IPO8: variants seen among roughly 807,000 people sequenced by gnomAD.
The protein encoded by IPO8 is importin-8.
IPO8 carries 65 observed loss-of-function variants against 141.2 expected under a neutral mutation model. That is an observed-to-expected ratio of 0.46 (90% confidence interval 0.38 to 0.57). The LOEUF is 0.57. IPO8 is among the 20% of genes least tolerant of loss of function. The pLI, the probability that IPO8 is intolerant of heterozygous loss-of-function variation, is 0.00. For missense variants in IPO8, 980 were observed against 1,246.8 expected (o/e 0.79, Z 3.22); for synonymous variants, 411 against 420.3 (o/e 0.98, Z 0.27).
At position 30,676,530 on chromosome 12, in the gene IPO8, A is replaced by G. The variant is rs778277186; in HGVS notation, c.697T>C (p.Phe233Leu). Reference protein sequence around the residue: ...NQTMTTWMEIFRTIIDRTVPP... With the variant: ...NQTMTTWMEILRTIIDRTVPP... ...ACGGTCCTGTCGATAATAGTTCGGA[A>G]GATCTCCATCCATGTTGTCATGGTT... The change falls in exon 6 of 25, where the codon TTC (phenylalanine) becomes CTC (leucine). Residue 233 changes from phenylalanine (F) to leucine (L), a missense_variant. By Grantham distance (22) the Phe-to-Leu change is conservative (BLOSUM62 0). This residue lies in a region of IPO8 where 924 missense variants were observed against 1,153.9 expected (regional missense o/e 0.80). Transcript: ENST00000256079. 3 of 1,613,644 alleles carry G rather than the reference A, an allele frequency of 1.9e-6. No individual in the cohort carries two copies. In the South Asian group the frequency reaches 3.3e-5, roughly 18 times the overall value.
intron 17 of IPO8, among the ~76,000 whole-genome samples, chr12:30,655,217 T>C (rs1375747102): frequency 6.6e-6 from 1 of 152,212 alleles, no homozygotes; most frequent in Non-Finnish European, 1.5e-5. Flanking sequence ...TATTGTATCA[T>C]ACAGAGTAGT....
In IPO8 at chr12:30,631,876, G is replaced by A; in HGVS notation, c.3016+19C>T. 6.5e-7 allele frequency: 1 copy of A among 1,548,318 alleles called. No homozygotes were observed. The highest frequency in any genetic ancestry group is 8.9e-7 in the Non-Finnish European group (1 of 1,123,624). ...CACTCTGACACATGCACTCCACTCT[G>A]GAGGTTACTCTGGCTGACCTGCCAC... is the stretch of plus-strand genomic sequence containing the variant. On this transcript the variant is annotated intron_variant, in intron 24 of 24. Transcript: ENST00000256079.
intron 4 of IPO8, among the ~76,000 whole-genome samples, chr12:30,680,915 T>C (rs1288994482): frequency 1.3e-5 from 2 of 152,176 alleles, no homozygotes; most frequent in Non-Finnish European, 2.9e-5. Flanking sequence ...ATGTTTCTAG[T>C]ATTTAAATTA....
chr12:30,673,854 A>G (rs2053083539), intron 8 of IPO8, 136 bp downstream of exon 8: 1 of 522,924 alleles, frequency 1.9e-6, no homozygotes. Context: ...GCACTGTAAT[A>G]CATTCCCAGA....
At chr12:30,655,758 A>T (rs1342228231) in intron 17 of IPO8, among the ~76,000 whole-genome samples, 1 of 152,252 alleles carries the variant, frequency 6.6e-6, no homozygotes, top group East Asian at 1.9e-4. Flanking sequence ...TATTATTCAC[A>T]TATATTAGCA....
chr12:30,649,261 T>G (rs750750662), intron 19 of IPO8, 29 bp from the exon 20 acceptor site: 1 of 1,491,782 alleles, frequency 6.7e-7, no homozygotes, highest in East Asian at 2.3e-5. Context: ...AGCTCAGCAG[T>G]AAGTGGCACT....
At chr12:30,637,948 A>G (rs1213853745) in intron 21 of IPO8, among the ~76,000 whole-genome samples, 2 of 152,252 alleles carry the variant, frequency 1.3e-5, no homozygotes, top group Non-Finnish European at 2.9e-5. Flanking sequence ...TGAATATTCT[A>G]CAGGCTTCTG....
Position 30,665,398 on chromosome 12 carries a change from TA to T in IPO8, c.1339-90del, listed in dbSNP as rs199747942. 2.7e-3 allele frequency: 2,119 copies of T among 778,728 alleles called. 29 individuals carry two copies. In the African/African-American group the frequency reaches 0.033, roughly 12 times the overall value. The allele number at this position is 778,728 out of a possible 1,614,324, so 48.2% of individuals were successfully genotyped here. ...AAGTGTGTTTACTATGACTTGCATT[TA>T]ATATACTTCTAATTTTGTAAAATTA... On this transcript the variant is annotated intron_variant, in intron 12 of 24. Transcript: ENST00000256079.
Position 30,681,866 on chromosome 12 carries a change from G to A in IPO8, c.324-49C>T, listed in dbSNP as rs1318154781. ...CAAAATCTAAGTAATTATAAATACT[G>A]TGTTTCAAAGACCTCTAATATTTTA... On this transcript the variant is annotated intron_variant, in intron 3 of 24. Coordinates refer to ENST00000256079, the MANE Select transcript of IPO8 (RefSeq NM_006390.4). 6 of 1,449,020 alleles carry A rather than the reference G, an allele frequency of 4.1e-6. No homozygotes were observed. The South Asian group carries it at 7.7e-5, about 19-fold the overall frequency. 89.8% of individuals were successfully genotyped at this position (1,449,020 alleles called of 1,614,324 possible). A position where few individuals can be genotyped will look rare whatever the true frequency, so the allele number is the denominator to read the frequency against.
At chr12:30,647,602 C>A (rs1470615120) in intron 20 of IPO8, among the ~76,000 whole-genome samples, 1 of 17,362 alleles carries the variant, frequency 5.8e-5, no homozygotes, top group Non-Finnish European at 1.0e-4. Flanking sequence ...GAGACCGTCT[C>A]CAAAAAAAAA....
At position 30,670,952 on chromosome 12, in the gene IPO8, T is replaced by C. The variant is rs779404492; in HGVS notation, c.1044+10A>G. On this transcript the variant is annotated intron_variant, in intron 9 of 24. Coordinates refer to ENST00000256079, the MANE Select transcript of IPO8 (RefSeq NM_006390.4). ...AGAATAATTTTGGAGAGCTGCTCTC[T>C]GACACTAACCTGTATGTGTGGCTTC... 17 of 1,604,852 alleles carry C rather than the reference T, an allele frequency of 1.1e-5. 1 individual carries two copies. In the South Asian group the frequency reaches 1.8e-4, roughly 17 times the overall value.
intron 17 of IPO8, among the ~76,000 whole-genome samples, chr12:30,655,521 C>G (rs1326077206): frequency 1.3e-5 from 2 of 152,118 alleles, no homozygotes; most frequent in Admixed American, 1.3e-4. Context: ...ACTATGGTCA[C>G]CATTTTGACC....
In IPO8 at chr12:30,662,388, T is replaced by C. The variant is rs1314094653; in HGVS notation, c.1694A>G (p.Lys565Arg). The C allele has an allele frequency of 1.2e-6, 2 of 1,612,942 alleles. No individual in the cohort carries two copies. The highest frequency in any genetic ancestry group is 1.7e-6 in the Non-Finnish European group (2 of 1,179,134). Residue 565 changes from lysine to arginine, a missense_variant, in exon 15 of 25, where the codon AAG becomes AGG. By Grantham distance (26) the Lys-to-Arg change is conservative. This residue lies in a region of IPO8 where 924 missense variants were observed against 1,153.9 expected (regional missense o/e 0.80). Transcript: ENST00000256079. ...CTCTTGACTGTATTCACATATCATC[T>C]TCTGGATGACATTAGTAACATCATC... is the stretch of plus-strand genomic sequence containing the variant. ...ENDDVTNVIQKMICEYSQEVA... is the reference protein window; with the variant it reads ...ENDDVTNVIQRMICEYSQEVA...
At chr12:30,639,400 C>T in intron 21 of IPO8, 115 bp downstream of exon 21, 4 of 677,662 alleles carry the variant, frequency 5.9e-6, no homozygotes, top group Non-Finnish European at 7.5e-6. Flanking sequence ...TAACAATACA[C>T]TAAAAATAAT....
chr12:30,644,591 A>C (rs1234548648), intron 20 of IPO8, among the ~76,000 whole-genome samples: 1 of 151,826 alleles, frequency 6.6e-6, no homozygotes, highest in Admixed American at 6.6e-5. Flanking sequence ...AGGCAAAGCA[A>C]GCTCCCTCAG....
At chr12:30,649,978 C>A (rs2052703637) in intron 19 of IPO8, among the ~76,000 whole-genome samples, 2 of 147,190 alleles carry the variant, frequency 1.4e-5, no homozygotes, top group Non-Finnish European at 1.5e-5. Context: ...AAGGGTGGGC[C>A]AGAAATTTAA....
chr12:30,671,662 G>C (rs1341320377), intron 8 of IPO8, among the ~76,000 whole-genome samples: 1 of 121,708 alleles, frequency 8.2e-6, no homozygotes, highest in Non-Finnish European at 1.6e-5. Flanking sequence ...GTGATAGAGC[G>C]AGACTCTGCC....
chr12:30,643,196 C>T (rs1359032898), intron 20 of IPO8, among the ~76,000 whole-genome samples: 1 of 151,958 alleles, frequency 6.6e-6, no homozygotes, highest in African/African-American at 2.4e-5. Flanking sequence ...CATGAGAGAC[C>T]ACCAGACATA....
At chr12:30,673,427 TG>T (rs2053078026) in intron 8 of IPO8, among the ~76,000 whole-genome samples, 1 of 152,244 alleles carries the variant, frequency 6.6e-6, no homozygotes, top group Admixed American at 6.5e-5. Context: ...CCAATTTTCA[TG>T]GACCACTTGT....
Sources: allele counts gnomAD v4.1 joint callset (sites outside exome capture counted in the v4.1 genomes callset), GRCh38; gene constraint gnomAD v4.1.1; regional missense constraint gnomAD v4.1.1; transcripts MANE v1.5; gene names NCBI Gene and HGNC (gene_info 2026-07-23, HGNC 2026-07-21).